GRID2: variants seen among roughly 807,000 people sequenced by gnomAD.
The protein encoded by GRID2 is glutamate ionotropic receptor delta type subunit 2.
A neutral mutation model predicts 114.8 loss-of-function variants in GRID2; 33 were observed. The ratio of observed to expected loss-of-function variants is 0.29; its 90% CI spans 0.22 to 0.38. The LOEUF (loss-of-function observed/expected upper bound fraction) is 0.38. Among genes scored for constraint, GRID2 ranks in the 10% least tolerant of loss-of-function variants. The probability of loss-of-function intolerance (pLI) is 1.00; values close to 1 mark genes in which losing one functional copy is unlikely to be tolerated. For synonymous variants in GRID2, 505 were observed against 449.9 expected, an observed-to-expected ratio of 1.12 and a Z score of -1.55; for missense variants, 1,184 against 1,257.7, an observed-to-expected ratio of 0.94 and a Z score of 0.89.
chr4:93,095,730 A>C (rs1731162011), intron 3 of GRID2, among the ~76,000 whole-genome samples: 1 of 152,050 alleles, frequency 6.6e-6, no homozygotes, highest in African/African-American at 2.4e-5. Flanking sequence ...AAATTATGAA[A>C]CATTGACCAA....
chr4:93,317,470 A>T (rs1398290238), intron 8 of GRID2, among the ~76,000 whole-genome samples: 1 of 152,114 alleles, frequency 6.6e-6, no homozygotes, highest in East Asian at 1.9e-4. Flanking sequence ...CAAACAGACA[A>T]GGGACAGCTT....
At position 93,085,137 on chromosome 4, in the gene GRID2, T is replaced by G. The variant is rs1463894108; in HGVS notation, c.387T>G (p.Ser129Arg). The change falls in exon 3 of 16, where the codon AGT (serine) becomes AGG (arginine). Residue 129 changes from serine to arginine, a missense_variant. This residue lies in a region of GRID2 where 455 missense variants were observed against 429.5 expected (regional missense o/e 1.06). Transcript: ENST00000282020. ...GCTCAACAGCTGGGACCCCAAGGAG[T>G]GGCTGTGGACTCACCCGGAGCAACA... ...IQRSTAGTPR[S>R]GCGLTRSNRN... 6.2e-7 allele frequency: 1 copy of G among 1,614,036 alleles called. No individual in the cohort carries two copies. The highest frequency in any genetic ancestry group is 8.5e-7 in the Non-Finnish European group (1 of 1,180,010).
chr4:93,428,629 A>G (rs1418520684), intron 10 of GRID2, among the ~76,000 whole-genome samples: 1 of 152,172 alleles, frequency 6.6e-6, no homozygotes, highest in Non-Finnish European at 1.5e-5. Context: ...TACTTGAATT[A>G]CAATTGTGTG....
Position 93,431,997 on chromosome 4 carries a change from T to C in GRID2, c.1545+9029T>C, listed in dbSNP as rs902355259. 3.9e-5 allele frequency among the ~76,000 whole-genome samples: 6 copies of C among 152,318 alleles called. No individual in the cohort carries two copies. In the East Asian group the frequency reaches 9.6e-4, roughly 24 times the overall value. ...GAATGGAAAATTGACAAAGATACTT[T>C]CTTATTCCTTCAAATTTATTGATAA... is the stretch of plus-strand genomic sequence containing the variant. On this transcript the variant is annotated intron_variant, in intron 10 of 15. Coordinates refer to ENST00000282020, the MANE Select transcript of GRID2 (RefSeq NM_001510.4).
At chr4:92,350,012 C>T (rs902812343) in intron 1 of GRID2, among the ~76,000 whole-genome samples, 3 of 151,854 alleles carry the variant, frequency 2.0e-5, no homozygotes, top group African/African-American at 7.2e-5. Context: ...TTTGGGAAGG[C>T]ATATAACCAT....
intron 1 of GRID2, among the ~76,000 whole-genome samples, chr4:92,536,210 C>T (rs1341285028): frequency 6.6e-6 from 1 of 151,616 alleles, no homozygotes; most frequent in Admixed American, 6.6e-5. Flanking sequence ...TCTGTTTTGA[C>T]AGAGTGCTGA....
At chr4:93,719,232 A>G (rs1560940524) in intron 14 of GRID2, among the ~76,000 whole-genome samples, 1 of 152,082 alleles carries the variant, frequency 6.6e-6, no homozygotes, top group Non-Finnish European at 1.5e-5. Context: ...AGCTATCTAT[A>G]TATATTAAGT....
chr4:93,386,698 CA>C (rs1764347529), intron 8 of GRID2, among the ~76,000 whole-genome samples: 1 of 152,056 alleles, frequency 6.6e-6, no homozygotes, highest in Non-Finnish European at 1.5e-5. Context: ...GAACCCCAAA[CA>C]AAAAGTTCCT....
chr4:93,703,685 C>T (rs1254897651), intron 14 of GRID2, among the ~76,000 whole-genome samples: 4 of 138,562 alleles, frequency 2.9e-5, no homozygotes, highest in African/African-American at 8.1e-5. Flanking sequence ...GTGATGTTCC[C>T]CTTCCTGTGT....
rs1430782287 is a variant in GRID2 at position 92,579,681 on chromosome 4, G to A, written c.89-10450G>A. On this transcript the variant is annotated intron_variant, in intron 1 of 15. Transcript: ENST00000282020. ...TCCTCAACTGTAAAATGAGGATTAA[G>A]AGAGATAACCTACAAAAATGATAAA... Among the ~76,000 whole-genome samples the A allele has an allele frequency of 3.3e-5, 5 of 151,876 alleles. No individual in the cohort carries two copies. The East Asian group carries it at 9.7e-4, about 29-fold the overall frequency.
chr4:93,366,723 C>T (rs1762372303), intron 8 of GRID2, among the ~76,000 whole-genome samples: 1 of 151,990 alleles, frequency 6.6e-6, no homozygotes, highest in African/African-American at 2.4e-5. Flanking sequence ...CATGTGATGT[C>T]TACCCCGGAC....
At position 92,442,422 on chromosome 4, in the gene GRID2, G is replaced by C. The variant is rs184888022; in HGVS notation, c.88+137678G>C. ...CCCGGTGGCCAGATTTCCGGCAAGT[G>C]TAGCAAGCTCCTTGGGGAGGAGGTT... On this transcript the variant is annotated intron_variant, in intron 1 of 15. Transcript: ENST00000282020. 2.8e-3 allele frequency among the ~76,000 whole-genome samples: 431 copies of C among 152,196 alleles called. 1 individual carries two copies. The highest frequency in any genetic ancestry group is 4.8e-3 in the Non-Finnish European group (326 of 68,006).
chr4:92,978,000 A>G (rs1753973872), intron 2 of GRID2, among the ~76,000 whole-genome samples: 2 of 152,172 alleles, frequency 1.3e-5, no homozygotes, highest in Non-Finnish European at 2.9e-5. Context: ...CAAGTTATAC[A>G]TTTGGTAGTA....
chr4:93,063,766 A>G (rs1349037296), intron 2 of GRID2, among the ~76,000 whole-genome samples: 1 of 151,852 alleles, frequency 6.6e-6, no homozygotes, highest in Non-Finnish European at 1.5e-5. Flanking sequence ...TGTAAGCATT[A>G]ATATCTCCTT....
rs3970985 is a variant in GRID2, at chr4:92,990,198, CTGTGTGTGTGTGTGTGTGTG to C, written c.245-94764_245-94745del. ...AGAGTGGCATTCATCTTAACATTTT[CTGTGTGTGTGTGTGTGTGTG>C]TGTGTGTGTGTGTGTGTGTGTGTGT... On this transcript the variant is annotated intron_variant, in intron 2 of 15. Transcript: ENST00000282020. Among the ~76,000 whole-genome samples the C allele has an allele frequency of 5.2e-3, 652 of 124,796 alleles. 2 individuals carry two copies. Among genetic ancestry groups the C allele is most frequent in the Non-Finnish European group, 8.2e-3 (496 of 60,822 alleles). 81.9% of individuals were successfully genotyped at this position (124,796 alleles called of 152,430 possible). A position where few individuals can be genotyped will look rare whatever the true frequency, so the allele number is the denominator to read the frequency against.
intron 4 of GRID2, among the ~76,000 whole-genome samples, chr4:93,120,819 G>A (rs1482957714): frequency 1.3e-5 from 2 of 152,076 alleles, no homozygotes; most frequent in African/African-American, 4.8e-5. Context: ...CGGGCATGGT[G>A]GCGGGCACCT....
chr4:93,443,737 C>T (rs886830029), intron 10 of GRID2, among the ~76,000 whole-genome samples: 2 of 150,870 alleles, frequency 1.3e-5, no homozygotes, highest in African/African-American at 4.9e-5. Context: ...TGGCTAAGAG[C>T]TTCATATGGA....
intron 2 of GRID2, among the ~76,000 whole-genome samples, chr4:93,015,322 A>G (rs1451836927): frequency 6.6e-6 from 1 of 152,166 alleles, no homozygotes; most frequent in Admixed American, 6.6e-5. Flanking sequence ...TCTGAAGTCA[A>G]AGCAACAAGG....
At chr4:93,494,696 A>G (rs1727357978) in intron 12 of GRID2, among the ~76,000 whole-genome samples, 1 of 151,732 alleles carries the variant, frequency 6.6e-6, no homozygotes, top group African/African-American at 2.4e-5. Flanking sequence ...TTCAGTTCTT[A>G]AAGGGAAAAA....
Sources: allele counts gnomAD v4.1 joint callset (sites outside exome capture counted in the v4.1 genomes callset), GRCh38; gene constraint gnomAD v4.1.1; regional missense constraint gnomAD v4.1.1; transcripts MANE v1.5; gene names NCBI Gene and HGNC (gene_info 2026-07-23, HGNC 2026-07-21).